Variants in IQGAP2 observed in about 807,000 individuals in gnomAD.
IQGAP2 encodes ras GTPase-activating-like protein IQGAP2.
Under a neutral mutation model 201.3 loss-of-function variants are expected in IQGAP2, and 173 were observed. The observed-to-expected ratio is 0.86, with a 90% CI of 0.76 to 0.98. IQGAP2 has a LOEUF of 0.98. IQGAP2 is among the 50% of genes least tolerant of loss of function. The pLI, the probability that IQGAP2 is intolerant of heterozygous loss-of-function variation, is 0.00. For synonymous variants in IQGAP2, 675 were observed against 673.9 expected, an observed-to-expected ratio of 1.00 and a Z score of -0.03; for missense variants, 1,687 against 1,864.8, an observed-to-expected ratio of 0.90 and a Z score of 1.76.
At chr5:76,582,592 T>C (rs1415178542) in intron 5 of IQGAP2, among the ~76,000 whole-genome samples, 2 of 152,212 alleles carry the variant, frequency 1.3e-5, no homozygotes, top group South Asian at 2.1e-4. Flanking sequence ...CCAAGAAAGC[T>C]GAAATAAATT....
chr5:76,428,787 A>C (rs1580169822), intron 1 of IQGAP2, among the ~76,000 whole-genome samples: 1 of 65,950 alleles, frequency 1.5e-5, no homozygotes, highest in Non-Finnish European at 5.3e-5. Context: ...AAACCAACTT[A>C]CTTAAAAAAA....
intron 2 of IQGAP2, among the ~76,000 whole-genome samples, chr5:76,542,681 A>G (rs1742854383): frequency 6.6e-6 from 1 of 152,220 alleles, no homozygotes; most frequent in Non-Finnish European, 1.5e-5. Context: ...GACAGGTCTT[A>G]TCAACAGATT....
At chr5:76,473,457 C>T (rs766662167) in intron 2 of IQGAP2, among the ~76,000 whole-genome samples, 10 of 151,820 alleles carry the variant, frequency 6.6e-5, no homozygotes, top group Non-Finnish European at 1.3e-4. Context: ...CCCTCTTTCT[C>T]CTTCTCTCTT....
chr5:76,655,036 T>C (rs753349097), intron 20 of IQGAP2, 33 bp downstream of exon 20: 4 of 1,513,962 alleles, frequency 2.6e-6, no homozygotes, highest in Admixed American at 1.7e-5. Context: ...AAAGCAAGGA[T>C]TTTTTATAAA....
At chr5:76,601,027 CT>C in intron 11 of IQGAP2, 55 bp downstream of exon 11, 1 of 1,555,056 alleles carries the variant, frequency 6.4e-7, no homozygotes, top group South Asian at 1.1e-5. Flanking sequence ...TTTGGCAGAT[CT>C]TAAAAGTGAG....
intron 1 of IQGAP2, among the ~76,000 whole-genome samples, chr5:76,447,247 G>A (rs538061604): frequency 6.6e-6 from 1 of 152,286 alleles, no homozygotes; most frequent in South Asian, 2.1e-4. Flanking sequence ...CACGAGGCTT[G>A]CAACTTAGCT....
chr5:76,575,859 T>C (rs1304546542), intron 5 of IQGAP2, 90 bp downstream of exon 5: 3 of 664,058 alleles, frequency 4.5e-6, no homozygotes, highest in Admixed American at 6.3e-5. Context: ...TAAGTTACTT[T>C]AATAGTTTGA....
At chr5:76,660,899 T>C (rs3797440) in intron 21 of IQGAP2, among the ~76,000 whole-genome samples, 6,387 of 152,220 alleles carry the variant, frequency 0.042, 197 homozygotes, top group East Asian at 0.13. Context: ...ATTAGTTTAA[T>C]ATGGATGTTG....
chr5:76,572,299 C>T (rs897718655), intron 4 of IQGAP2, among the ~76,000 whole-genome samples: 5 of 151,336 alleles, frequency 3.3e-5, no homozygotes, highest in African/African-American at 4.9e-5. Context: ...CTGCAACCTC[C>T]GCCTCCCAGG....
chr5:76,429,400 ATC>A (rs2150089247), intron 1 of IQGAP2, among the ~76,000 whole-genome samples: 1 of 150,906 alleles, frequency 6.6e-6, no homozygotes, highest in East Asian at 2.0e-4. Context: ...GTGAAACCCC[ATC>A]TCTACTAAAA....
At chr5:76,530,766 C>T (rs1215819959) in intron 2 of IQGAP2, among the ~76,000 whole-genome samples, 2 of 152,192 alleles carry the variant, frequency 1.3e-5, no homozygotes, top group Non-Finnish European at 2.9e-5. Context: ...CTGTTTCTTC[C>T]TGTCCTTGCT....
intron 33 of IQGAP2, 21 bp downstream of exon 33, chr5:76,698,168 G>A: frequency 6.6e-7 from 1 of 1,525,700 alleles, no homozygotes; most frequent in Non-Finnish European, 9.0e-7. Flanking sequence ...ATCATGTCAT[G>A]TTCATTTGTA....
intron 2 of IQGAP2, among the ~76,000 whole-genome samples, chr5:76,536,748 G>A (rs1345580170): frequency 6.8e-6 from 1 of 147,012 alleles, no homozygotes; most frequent in Non-Finnish European, 1.5e-5. Context: ...CAACAAGAGT[G>A]AAACTCCGTC....
chr5:76,646,850 A>G (rs950961949), intron 17 of IQGAP2, among the ~76,000 whole-genome samples: 2 of 152,132 alleles, frequency 1.3e-5, no homozygotes, highest in Non-Finnish European at 2.9e-5. Context: ...TTACTCATGT[A>G]TATTTTTCTG....
At chr5:76,650,595 C>G (rs1041154640) in intron 17 of IQGAP2, among the ~76,000 whole-genome samples, 5 of 152,156 alleles carry the variant, frequency 3.3e-5, no homozygotes, top group Non-Finnish European at 5.9e-5. Context: ...AGAGCATTGC[C>G]ATAGTCAGTA....
chr5:76,664,968 G>T (rs866887055), intron 21 of IQGAP2, 58 bp from the exon 22 acceptor site: 2 of 958,248 alleles, frequency 2.1e-6, no homozygotes, highest in Non-Finnish European at 3.3e-6. Context: ...TATATGTGAA[G>T]GGAGGAGATA....
rs150411004 is a variant in IQGAP2, at chr5:76,500,463, G to A, written c.146+38794G>A. ...TTTACAGCCTTACTCTATAGAAGTA[G>A]TAAGACATTTTGGTGTCTTTGCTCT... On this transcript the variant is annotated intron_variant, in intron 2 of 35. Transcript: ENST00000274364. Among the ~76,000 whole-genome samples the A allele has an allele frequency of 1.9e-3, 286 of 152,314 alleles. 1 individual carries two copies. The highest frequency in any genetic ancestry group is 6.7e-3 in the African/African-American group (277 of 41,570).
intron 1 of IQGAP2, among the ~76,000 whole-genome samples, chr5:76,423,294 TGCTATTAAAATGGTGCTGGTACCC>T (rs1407124210): frequency 7.9e-5 from 12 of 152,310 alleles, no homozygotes; most frequent in Middle Eastern, 3.4e-3. Context: ...GGCTGGTACC[TGCTATTAAAATGGTGCTGGTACCC>T]GCTATTAAAA....
At chr5:76,577,136 C>G (rs1453955481) in intron 5 of IQGAP2, among the ~76,000 whole-genome samples, 1 of 152,182 alleles carries the variant, frequency 6.6e-6, no homozygotes, top group Admixed American at 6.5e-5. Flanking sequence ...TGCTCGTGGG[C>G]TGTCTCGTAT....
Sources: gnomAD v4.1 joint callset for allele counts (sites outside exome capture counted in the v4.1 genomes callset) on GRCh38, gnomAD v4.1.1 for gene constraint, MANE v1.5 for transcripts, NCBI Gene and HGNC (gene_info 2026-07-23, HGNC 2026-07-21) for gene names.